COQ8A: variants seen among roughly 807,000 people sequenced by gnomAD.
COQ8A encodes the protein atypical kinase COQ8A, mitochondrial.
A neutral mutation model predicts 65.0 loss-of-function variants in COQ8A; 51 were observed. That is an observed-to-expected ratio of 0.78 (90% CI 0.63 to 0.99). The LOEUF is 0.99. COQ8A is among the 50% of genes least tolerant of loss of function. The pLI, the probability that COQ8A is intolerant of heterozygous loss-of-function variation, is 0.00. For synonymous variants in COQ8A, 371 were observed against 353.2 expected, an observed-to-expected ratio of 1.05 and a Z score of -0.57; for missense variants, 940 against 875.0, an observed-to-expected ratio of 1.07 and a Z score of -0.94.
At chr1:226,951,477 C>A (rs2482451) in intron 1 of COQ8A, among the ~76,000 whole-genome samples, 82,824 of 151,914 alleles carry the variant, frequency 0.55, 23,160 homozygotes, top group African/African-American at 0.67. Context: ...TAATACAGTA[C>A]CAGGTGGCTT....
rs548971376 is a variant in COQ8A, at chr1:226,946,605, G to A, written c.-10+6206G>A. ...CCTGCTGAGCCTCTTCTCATTTCTCGTTGCGTGTGTGGTTGTTGTCTGTCT... is the reference window on the plus strand; with the variant it reads ...CCTGCTGAGCCTCTTCTCATTTCTCATTGCGTGTGTGGTTGTTGTCTGTCT... On this transcript the variant is annotated intron_variant, in intron 1 of 14. Coordinates refer to ENST00000366777, the MANE Select transcript of COQ8A (RefSeq NM_020247.5). This position sits in a 1 kb window ranked among gnomAD's most constrained non-coding sequence, Gnocchi z 5.3. Among the ~76,000 whole-genome samples, 3 of 152,168 alleles carry A rather than the reference G, an allele frequency of 2.0e-5. No homozygotes were observed. Among genetic ancestry groups the A allele is most frequent in the Non-Finnish European group, 2.9e-5 (2 of 68,024 alleles).
In COQ8A at chr1:226,965,357, G is replaced by A. The variant is rs931020734; in HGVS notation, c.535G>A (p.Glu179Lys). The change falls in exon 3 of 15, where the codon GAG becomes AAG. Residue 179 changes from glutamate (E) to lysine (K), a missense_variant. Transcript: ENST00000366777. ...PVGGLTAEDI[E>K]KARQAKARPE... Reference sequence around the variant, plus strand: ...TGGGGGCCTCACAGCCGAGGACATTGAGAAGGCCCGGCAGGCTAAGGCTCG... The same window carrying A: ...TGGGGGCCTCACAGCCGAGGACATTAAGAAGGCCCGGCAGGCTAAGGCTCG... 2 of 1,612,748 alleles carry A rather than the reference G, an allele frequency of 1.2e-6. No homozygotes were observed. The highest frequency in any genetic ancestry group is 2.7e-5 in the African/African-American group (2 of 74,944).
chr1:226,983,706 G>A (rs1659861204), intron 9 of COQ8A, 55 bp from the exon 10 acceptor site: 3 of 1,611,776 alleles, frequency 1.9e-6, no homozygotes, highest in South Asian at 2.2e-5. Context: ...GGGGACCAGA[G>A]GGGGTCCTCC....
chr1:226,987,010 T>C lies in COQ8A; in HGVS notation c.*273T>C. ...GCAGATGAAGATGAAAGGGCAACTT[T>C]GTTTTCTTCTTTTTCCTGATGTGAA... On this transcript the variant is annotated 3_prime_UTR_variant, in exon 15 of 15. Transcript: ENST00000366777. 2 of 528,936 alleles carry C rather than the reference T, an allele frequency of 3.8e-6. No homozygotes were observed. Among genetic ancestry groups the C allele is most frequent in the Non-Finnish European group, 6.8e-6 (2 of 292,762 alleles). The allele number at this position is 528,936 out of a possible 1,614,324, so 32.8% of individuals were successfully genotyped here. A position where few individuals can be genotyped will look rare whatever the true frequency, so the allele number is the denominator to read the frequency against.
At chr1:226,971,553 A>G (rs1558195529) in intron 4 of COQ8A, among the ~76,000 whole-genome samples, 1 of 151,440 alleles carries the variant, frequency 6.6e-6, no homozygotes, top group South Asian at 2.1e-4. Context: ...TCAAAAAGAA[A>G]AAGAAAAAAA....
intron 2 of COQ8A, among the ~76,000 whole-genome samples, chr1:226,962,900 G>A (rs773033810): frequency 2.6e-5 from 4 of 152,232 alleles, no homozygotes; most frequent in Non-Finnish European, 4.4e-5. Context: ...CTCATAACGA[G>A]TGACAGGACC....
chr1:226,980,052 T>C (rs1233428373), intron 5 of COQ8A, among the ~76,000 whole-genome samples: 1 of 152,174 alleles, frequency 6.6e-6, no homozygotes. Flanking sequence ...TTGTTAGCCC[T>C]GAGAGGGGGA....
chr1:226,950,151 C>T (rs1308067757), intron 1 of COQ8A, among the ~76,000 whole-genome samples: 1 of 152,156 alleles, frequency 6.6e-6, no homozygotes, highest in Non-Finnish European at 1.5e-5. Context: ...CTGCTTGGGA[C>T]CCTCTGTTGC....
chr1:226,979,151 A>G (rs1659540728), intron 5 of COQ8A, among the ~76,000 whole-genome samples: 2 of 152,246 alleles, frequency 1.3e-5, no homozygotes, highest in East Asian at 1.9e-4. Context: ...TCTGACGTGA[A>G]GGTCACAGCC....
intron 1 of COQ8A, among the ~76,000 whole-genome samples, chr1:226,951,480 G>C (rs1657384436): frequency 6.6e-6 from 1 of 152,164 alleles, no homozygotes; most frequent in Non-Finnish European, 1.5e-5. Flanking sequence ...TACAGTACCA[G>C]GTGGCTTGCC....
At chr1:226,951,050 C>T (rs1396555210) in intron 1 of COQ8A, among the ~76,000 whole-genome samples, 2 of 152,180 alleles carry the variant, frequency 1.3e-5, no homozygotes, top group African/African-American at 4.8e-5. Flanking sequence ...GCAGACAGGC[C>T]AGCGTATGTG....
chr1:226,985,456 C>G (rs1660044436), intron 14 of COQ8A, 116 bp downstream of exon 14: 1 of 1,168,846 alleles, frequency 8.6e-7, no homozygotes, highest in South Asian at 1.2e-5. Context: ...AGAGCCCGGG[C>G]CTCCTTGGGC....
chr1:226,945,435 A>G (rs2148001378), intron 1 of COQ8A, among the ~76,000 whole-genome samples: 1 of 152,312 alleles, frequency 6.6e-6, no homozygotes, highest in South Asian at 2.1e-4. Flanking sequence ...GCCCCAGCCC[A>G]GTGTTTGTTC....
intron 3 of COQ8A, 69 bp downstream of exon 3, chr1:226,965,479 C>T: frequency 1.9e-6 from 3 of 1,571,922 alleles, no homozygotes; most frequent in Non-Finnish European, 2.6e-6. Context: ...TTGGGCTCTG[C>T]TCTAGGGACT....
At chr1:226,984,692 G>A in intron 12 of COQ8A, 37 bp downstream of exon 12, 1 of 1,590,020 alleles carries the variant, frequency 6.3e-7, no homozygotes, top group Middle Eastern at 1.7e-4. Flanking sequence ...AGCCAGGCCT[G>A]AGAGCTTCTC....
intron 2 of COQ8A, among the ~76,000 whole-genome samples, chr1:226,964,670 GC>G (rs1658450377): frequency 6.6e-6 from 1 of 152,210 alleles, no homozygotes; most frequent in African/African-American, 2.4e-5. Context: ...CATCTCCAAA[GC>G]CCTGGAGGCC....
At chr1:226,975,752 C>G (rs965806713) in intron 4 of COQ8A, among the ~76,000 whole-genome samples, 1 of 152,206 alleles carries the variant, frequency 6.6e-6, no homozygotes, top group African/African-American at 2.4e-5. Flanking sequence ...GCCCGCACGA[C>G]AGCCTGTGAG....
chr1:226,986,113 G>A (rs919075832), intron 14 of COQ8A, among the ~76,000 whole-genome samples: 17 of 152,170 alleles, frequency 1.1e-4, no homozygotes, highest in South Asian at 2.1e-4. Flanking sequence ...GCTCAGACAC[G>A]CATGGTGGGA....
chr1:226,985,055 C>T (rs544435983), intron 13 of COQ8A, 114 bp downstream of exon 13: 48 of 1,388,598 alleles, frequency 3.5e-5, no homozygotes, highest in Middle Eastern at 3.5e-4. Context: ...TCCCCATCTG[C>T]GCTGCCTGCC....
Sources: gnomAD v4.1 joint callset for allele counts (sites outside exome capture counted in the v4.1 genomes callset) on GRCh38, gnomAD v4.1.1 for gene constraint, Gnocchi (gnomAD v3.1) non-coding constraint, MANE v1.5 for transcripts, NCBI Gene and HGNC (gene_info 2026-07-23, HGNC 2026-07-21) for gene names.